FBXL13: variants seen among roughly 807,000 people sequenced by gnomAD.
The protein encoded by FBXL13 is F-box and leucine rich repeat protein 13, also known as F-box and leucine-rich repeat protein 13.
In FBXL13, 67 loss-of-function variants were observed where a neutral mutation model predicts 83.6. The observed-to-expected ratio is 0.80, with a 90% CI of 0.66 to 0.98. The LOEUF is 0.98. FBXL13 is among the 50% of genes least tolerant of loss of function. FBXL13 has a pLI of 0.00. For synonymous variants in FBXL13, 272 were observed against 299.5 expected (o/e 0.91, Z 0.95); for missense variants, 822 against 866.5 (o/e 0.95, Z 0.64).
rs900101469 is a variant in FBXL13 at position 102,839,687 on chromosome 7, C to A, written c.1720-6713G>T. On this transcript the variant is annotated intron_variant, in intron 17 of 19. Coordinates refer to ENST00000313221, the Ensembl canonical transcript of FBXL13. ...GTCTTGAACTCCTGACCTCAGGGAT[C>A]CGCCTGCCTCAGCCTCCCAAAGTGC... Among the ~76,000 whole-genome samples the A allele has an allele frequency of 2.6e-5, 4 of 152,134 alleles. No homozygotes were observed. The East Asian group carries it at 7.7e-4, about 29-fold the overall frequency.
intron 2 of FBXL13, among the ~76,000 whole-genome samples, chr7:103,030,540 T>C (rs1794397461): frequency 6.6e-6 from 1 of 152,212 alleles, no homozygotes; most frequent in Non-Finnish European, 1.5e-5. Flanking sequence ...TTACAATTTT[T>C]CAGTACTGTT....
intron 2 of FBXL13, among the ~76,000 whole-genome samples, chr7:103,053,436 A>G (rs764593584): frequency 6.6e-6 from 1 of 152,206 alleles, no homozygotes. Context: ...TACAGGCATG[A>G]GCCACCGCAC....
At chr7:102,885,999 T>A (rs1394693785) in intron 11 of FBXL13, among the ~76,000 whole-genome samples, 1 of 152,268 alleles carries the variant, frequency 6.6e-6, no homozygotes, top group Non-Finnish European at 1.5e-5. Flanking sequence ...CTTATGCCAG[T>A]GCCATACTGT....
At chr7:103,029,308 TA>T in intron 3 of FBXL13, 42 bp downstream of exon 4, 5 of 1,286,156 alleles carry the variant, frequency 3.9e-6, no homozygotes, top group Non-Finnish European at 5.4e-6. Context: ...ATATCAAGAA[TA>T]AAAACTCAAA....
At chr7:102,976,174 A>G (rs779254260) in intron 6 of FBXL13, 2 of 766,200 alleles carry the variant, frequency 2.6e-6, no homozygotes, top group South Asian at 2.7e-5. Flanking sequence ...CTTGGAACAG[A>G]CACCCCAGCA....
At chr7:102,982,727 T>C (rs943256021) in intron 6 of FBXL13, among the ~76,000 whole-genome samples, 1 of 152,152 alleles carries the variant, frequency 6.6e-6, no homozygotes, top group East Asian at 1.9e-4. Flanking sequence ...GCAACCATGA[T>C]TGTGAGGCCT....
intron 8 of FBXL13, chr7:102,934,229 A>C (rs1819813442): frequency 6.2e-7 from 1 of 1,614,100 alleles, no homozygotes; most frequent in African/African-American, 1.3e-5. Flanking sequence ...CAAGTTTAAA[A>C]AGCTGAAAAG....
At chr7:102,887,068 G>A (rs1810897561) in intron 11 of FBXL13, among the ~76,000 whole-genome samples, 1 of 152,196 alleles carries the variant, frequency 6.6e-6, no homozygotes, top group African/African-American at 2.4e-5. Context: ...TTCGTATGAT[G>A]GGGTGCAATA....
At chr7:102,853,589 C>G (rs868203341) in intron 17 of FBXL13, among the ~76,000 whole-genome samples, 24 of 152,132 alleles carry the variant, frequency 1.6e-4, no homozygotes, top group African/African-American at 5.8e-4. Flanking sequence ...AGGCAACCCA[C>G]AAAATGGGAG....
chr7:102,921,728 C>T (rs1817076831), intron 10 of FBXL13, among the ~76,000 whole-genome samples: 1 of 151,994 alleles, frequency 6.6e-6, no homozygotes. Context: ...TAAGCATCCA[C>T]GGATGATTTT....
At chr7:102,913,561 A>G (rs1040536463) in intron 10 of FBXL13, among the ~76,000 whole-genome samples, 1 of 152,214 alleles carries the variant, frequency 6.6e-6, no homozygotes, top group African/African-American at 2.4e-5. Context: ...CCAAATTTGC[A>G]GAGTGTATTG....
intron 18 of FBXL13, among the ~76,000 whole-genome samples, chr7:102,832,075 T>C (rs1800806091): frequency 1.3e-5 from 2 of 152,224 alleles, no homozygotes; most frequent in African/African-American, 4.8e-5. Context: ...GAAAAAAATC[T>C]AGAAGAATAA....
intron 10 of FBXL13, among the ~76,000 whole-genome samples, chr7:102,924,335 T>C (rs1817654327): frequency 6.6e-6 from 1 of 152,198 alleles, no homozygotes; most frequent in Admixed American, 6.5e-5. Flanking sequence ...ACCCCTGATT[T>C]AGATCATCAC....
chr7:102,933,828 T>C lies in FBXL13; in HGVS notation c.725-1895A>G. 9 of 1,405,474 alleles carry C rather than the reference T, an allele frequency of 6.4e-6. No individual in the cohort carries two copies. The South Asian group carries it at 1.3e-4, about 21-fold the overall frequency. The allele number at this position is 1,405,474 out of a possible 1,614,324, so 87.1% of individuals were successfully genotyped here. The stretch of plus-strand genomic sequence containing the variant: ...CTCATTGTTCCAGAACTGCATTAGT[T>C]AAGATTACCCAGACTTGGATTTCAA... On this transcript the variant is annotated intron_variant, in intron 8 of 19. Coordinates refer to ENST00000313221, the Ensembl canonical transcript of FBXL13.
chr7:103,019,518 A>T (rs1343144535), intron 6 of FBXL13, among the ~76,000 whole-genome samples: 4 of 152,228 alleles, frequency 2.6e-5, no homozygotes, highest in Non-Finnish European at 4.4e-5. Flanking sequence ...CCCTTCAAAA[A>T]ATCAATGAAT....
At chr7:102,848,033 C>G (rs1218847075) in intron 17 of FBXL13, among the ~76,000 whole-genome samples, 1 of 152,024 alleles carries the variant, frequency 6.6e-6, no homozygotes, top group Non-Finnish European at 1.5e-5. Flanking sequence ...ATAGATGTAC[C>G]TTTACATATA....
At chr7:102,816,737 T>C (rs1798064847) in intron 19 of FBXL13, among the ~76,000 whole-genome samples, 1 of 152,210 alleles carries the variant, frequency 6.6e-6, no homozygotes, top group African/African-American at 2.4e-5. Context: ...TAATGCCCAG[T>C]AGGTACTTTG....
chr7:102,814,923 T>G (rs1797784843), intron 19 of FBXL13, among the ~76,000 whole-genome samples: 1 of 152,344 alleles, frequency 6.6e-6, no homozygotes, highest in East Asian at 1.9e-4. Flanking sequence ...GGTTTATATC[T>G]TTTGCTTTTC....
intron 2 of FBXL13, among the ~76,000 whole-genome samples, chr7:103,033,199 A>G (rs1794696717): frequency 6.6e-6 from 1 of 151,742 alleles, no homozygotes; most frequent in Admixed American, 6.6e-5. Flanking sequence ...TTCTTTTCCT[A>G]TGCTCTGAAA....
Sources: gnomAD v4.1 joint callset for allele counts (sites outside exome capture counted in the v4.1 genomes callset) on GRCh38, gnomAD v4.1.1 for gene constraint, MANE v1.5 for transcripts, NCBI Gene and HGNC (gene_info 2026-07-23, HGNC 2026-07-21) for gene names.